Variants in EVL observed in about 807,000 individuals in gnomAD.
EVL encodes ena/VASP-like protein.
A neutral mutation model predicts 59.6 loss-of-function variants in EVL; 21 were observed. The ratio of observed to expected loss-of-function variants is 0.35; its 90% CI spans 0.25 to 0.51. The LOEUF is 0.51. Among genes scored for constraint, EVL ranks in the 20% least tolerant of loss-of-function variants. The probability of loss-of-function intolerance (pLI) is 0.97; values close to 1 mark genes in which losing one functional copy is unlikely to be tolerated. For missense variants in EVL, 462 were observed against 546.6 expected (o/e 0.85, Z 1.54); for synonymous variants, 198 against 203.5 (o/e 0.97, Z 0.23).
intron 1 of EVL, among the ~76,000 whole-genome samples, chr14:100,006,045 G>A (rs1243009061): frequency 7.0e-6 from 1 of 142,218 alleles, no homozygotes; most frequent in Non-Finnish European, 1.5e-5. Context: ...ACTTTTGTGT[G>A]TGTTGGGGGT....
chr14:100,073,275 C>T (rs2062087810), intron 1 of EVL, among the ~76,000 whole-genome samples: 2 of 151,856 alleles, frequency 1.3e-5, no homozygotes, highest in Non-Finnish European at 2.9e-5. Context: ...GAACTAAATG[C>T]CCTCCTCTTG....
intron 3 of EVL, among the ~76,000 whole-genome samples, chr14:100,117,082 C>T (rs550643783): frequency 6.6e-6 from 1 of 151,896 alleles, no homozygotes; most frequent in South Asian, 2.1e-4. Flanking sequence ...GCCAGGCCAG[C>T]ACAGAGAGAC....
At chr14:100,137,670 C>T (rs527768454) in intron 10 of EVL, 26 bp downstream of exon 10, 1 of 1,614,162 alleles carries the variant, frequency 6.2e-7, no homozygotes, top group South Asian at 1.1e-5. Flanking sequence ...AAGGCCTGAG[C>T]AGCGAGGCTG....
chr14:100,065,693 T>C (rs1412372070), intron 1 of EVL, among the ~76,000 whole-genome samples, 182 bp downstream of exon 1: 2 of 152,192 alleles, frequency 1.3e-5, no homozygotes, highest in Non-Finnish European at 2.9e-5. Flanking sequence ...CTGCTCCCTC[T>C]CTAGCCGCTG....
In EVL at chr14:100,007,622, G is replaced by T. The variant is rs556230871; in HGVS notation, c.5+35565G>T. Among the ~76,000 whole-genome samples, 121 of 152,368 alleles carry T rather than the reference G, an allele frequency of 7.9e-4. 1 individual carries two copies. The highest frequency in any genetic ancestry group is 2.8e-3 in the African/African-American group (118 of 41,592). ...AGAGTGACTGGCCAAGGGGCCTGAG[G>T]CTCTGATCTCAGAAGTAGCCAAAGA... On this transcript the variant is annotated intron_variant, in intron 1 of 13. Coordinates refer to the EVL transcript ENST00000402714.
intron 3 of EVL, among the ~76,000 whole-genome samples, chr14:100,112,192 C>G (rs1312396592): frequency 1.3e-5 from 2 of 152,312 alleles, no homozygotes; most frequent in Non-Finnish European, 2.9e-5. Flanking sequence ...ACTCCGGAGA[C>G]TCAGAAAGCC....
intron 1 of EVL, among the ~76,000 whole-genome samples, chr14:100,004,229 A>C (rs1263410025): frequency 2.0e-5 from 3 of 152,174 alleles, no homozygotes; most frequent in East Asian, 1.9e-4. Context: ...ACCAACCAAC[A>C]AACAAATGTT....
chr14:100,109,215 A>C lies in EVL; in HGVS notation c.358+11557A>C, dbSNP rs1290128435. ...GTTGTAATGGGGTTGTAACCCATCC[A>C]CCTTCTCTTGTCCTTCTTCAGTCTG... On this transcript the variant is annotated intron_variant, in intron 3 of 13. Transcript: ENST00000392920. The surrounding 1 kb of genome is among the most constrained non-coding windows in gnomAD (Gnocchi z 4.3). 6.6e-6 allele frequency among the ~76,000 whole-genome samples: 1 copy of C among 152,038 alleles called. No individual in the cohort carries two copies. Among genetic ancestry groups the C allele is most frequent in the Non-Finnish European group, 1.5e-5 (1 of 67,986 alleles).
Position 100,097,467 on chromosome 14 carries a change from C to T in EVL, c.181-14C>T, listed in dbSNP as rs534380136. ...TATTTATTTACACGTATTTCTCTCT[C>T]CTTTCTCCTCCAGGTTGTGATCAAT... On this transcript the variant is annotated splice_polypyrimidine_tract_variant and intron_variant, in intron 2 of 13. Coordinates refer to ENST00000392920, the MANE Select transcript of EVL (RefSeq NM_016337.3). 6.8e-5 allele frequency: 109 copies of T among 1,592,278 alleles called. No homozygotes were observed. In the South Asian group the frequency reaches 8.2e-4, roughly 12 times the overall value.
chr14:100,037,381 C>T (rs1387382695), intron 1 of EVL, among the ~76,000 whole-genome samples: 2 of 152,198 alleles, frequency 1.3e-5, no homozygotes, highest in Non-Finnish European at 1.5e-5. Flanking sequence ...GCTCAGTGTT[C>T]AAGGCTTACC....
chr14:100,108,754 G>T lies in EVL; in HGVS notation c.358+11096G>T, dbSNP rs956453757. 6.6e-6 allele frequency among the ~76,000 whole-genome samples: 1 copy of T among 152,032 alleles called. No homozygotes were observed. The highest frequency in any genetic ancestry group is 1.5e-5 in the Non-Finnish European group (1 of 68,012). ...TCCACAGATGGAGCCTTTCCCAGCC[G>T]CCCCGCTCCCTGTGACTTTGCACTC... is the stretch of plus-strand genomic sequence containing the variant. On this transcript the variant is annotated intron_variant, in intron 3 of 13. Transcript: ENST00000392920. This position sits in a 1 kb window ranked among gnomAD's most constrained non-coding sequence, Gnocchi z 4.1.
chr14:100,063,682 G>A (rs1016127985), upstream of EVL, among the ~76,000 whole-genome samples: 1 of 152,186 alleles, frequency 6.6e-6, no homozygotes, highest in East Asian at 1.9e-4. Flanking sequence ...GGACGTAGAC[G>A]TTCTGAACAA....
chr14:100,128,583 T>TCCCCCCCCCCC lies in EVL; in HGVS notation c.554_555insCCCCCCCCCCC (p.Pro189HisfsTer45). ...GCGCCCCCGTCTCATGTAGTGGGCC[T>TCCCCCCCCCCC]CCACCGCCCCCCCCACCCCCAGTCC... is the stretch of plus-strand genomic sequence containing the variant. On this transcript the variant is annotated frameshift_variant, in exon 6 of 14. Coordinates refer to ENST00000392920, the MANE Select transcript of EVL (RefSeq NM_016337.3). LOFTEE classifies it high-confidence loss of function. 6.3e-7 allele frequency: 1 copy of TCCCCCCCCCCC among 1,579,774 alleles called. No homozygotes were observed. Among genetic ancestry groups the TCCCCCCCCCCC allele is most frequent in the Non-Finnish European group, 8.7e-7 (1 of 1,155,636 alleles).
chr14:100,129,987 C>T (rs1005195092), intron 7 of EVL, among the ~76,000 whole-genome samples: 6 of 152,190 alleles, frequency 3.9e-5, no homozygotes, highest in South Asian at 2.1e-4. Flanking sequence ...GAGATAAATG[C>T]GGGAAAAAGA....
At position 100,108,638 on chromosome 14, in the gene EVL, C is replaced by G. The variant is rs1222800273; in HGVS notation, c.358+10980C>G. On this transcript the variant is annotated intron_variant, in intron 3 of 13. Transcript: ENST00000392920. The surrounding 1 kb of genome is among the most constrained non-coding windows in gnomAD (Gnocchi z 4.1). Reference sequence around the variant, plus strand: ...CCCAAGTCGCACCGTCAGTCACACTCTTACTCAGGCTCTCCTGTGCCCCTG... The same window carrying G: ...CCCAAGTCGCACCGTCAGTCACACTGTTACTCAGGCTCTCCTGTGCCCCTG... 6.6e-6 allele frequency among the ~76,000 whole-genome samples: 1 copy of G among 152,206 alleles called. No homozygotes were observed. The highest frequency in any genetic ancestry group is 2.4e-5 in the African/African-American group (1 of 41,440).
intron 13 of EVL, among the ~76,000 whole-genome samples, chr14:100,143,382 G>A (rs1416716431): frequency 3.3e-5 from 5 of 152,270 alleles, no homozygotes; most frequent in African/African-American, 1.2e-4. Context: ...CCACACAGCA[G>A]CTCCTCACAC....
upstream of EVL, among the ~76,000 whole-genome samples, chr14:100,061,054 G>A (rs2061819400): frequency 6.7e-6 from 1 of 149,402 alleles, no homozygotes; most frequent in Admixed American, 6.7e-5. Context: ...TCAGATAAAA[G>A]AAAACTAAGA....
chr14:100,121,991 C>G (rs577592053), intron 3 of EVL, among the ~76,000 whole-genome samples: 1 of 152,324 alleles, frequency 6.6e-6, no homozygotes, highest in South Asian at 2.1e-4. Flanking sequence ...CCGTTGAGAC[C>G]CGGTCTTAGA....
At chr14:100,119,045 C>T (rs531150350) in intron 3 of EVL, among the ~76,000 whole-genome samples, 167 of 152,362 alleles carry the variant, frequency 1.1e-3, no homozygotes, top group Non-Finnish European at 2.1e-3. Flanking sequence ...GCCAGGGAAC[C>T]TATGGCCCGT....
Sources: allele counts gnomAD v4.1 joint callset (sites outside exome capture counted in the v4.1 genomes callset), GRCh38; gene constraint gnomAD v4.1.1; non-coding constraint Gnocchi (gnomAD v3.1); transcripts MANE v1.5; gene names NCBI Gene and HGNC (gene_info 2026-07-23, HGNC 2026-07-21).